HIVEP3: variants seen among roughly 807,000 people sequenced by gnomAD.
The protein encoded by HIVEP3 is HIVEP zinc finger 3, also known as transcription factor HIVEP3.
A neutral mutation model predicts 152.8 loss-of-function variants in HIVEP3; 49 were observed. That is an observed-to-expected ratio of 0.32 (90% confidence interval 0.26 to 0.41). The LOEUF (loss-of-function observed/expected upper bound fraction) is 0.41, where lower values mean the gene tolerates loss of function less well. Among genes scored for constraint, HIVEP3 ranks in the 10% least tolerant of loss-of-function variants. HIVEP3 has a pLI of 1.00. For synonymous variants in HIVEP3, 1,269 were observed against 1,289.0 expected (o/e 0.98, Z 0.33); for missense variants, 2,790 against 3,103.3 (o/e 0.90, Z 2.40).
In HIVEP3 at chr1:41,580,261, G is replaced by A; in HGVS notation, c.4537C>T (p.Pro1513Ser). Residue 1513 changes from proline to serine, a missense_variant, in exon 4 of 9, where the codon CCT (proline) becomes TCT (serine). Pro to Ser is a moderately conservative substitution (Grantham distance 74). This residue lies in a region of HIVEP3 where 1,078 missense variants were observed against 1,165.3 expected (regional missense o/e 0.93). Coordinates refer to ENST00000372583, the MANE Select transcript of HIVEP3 (RefSeq NM_024503.5). ...GACAATGCAGGGTGAGGGAGGGGAG[G>A]AATTTCCTTTGTGTCAGATGGATCT... is the stretch of plus-strand genomic sequence containing the variant. Reference protein sequence around the residue: ...SSDPSDTKEIPPLPHPALSHG... With the variant: ...SSDPSDTKEISPLPHPALSHG... 1 of 1,613,844 alleles carries A rather than the reference G, an allele frequency of 6.2e-7. No individual in the cohort carries two copies. Among genetic ancestry groups the A allele is most frequent in the African/African-American group, 1.3e-5 (1 of 75,038 alleles).
rs917498880 is a variant in HIVEP3, at chr1:41,944,759, C to T, written n.120-26235G>A. 3.3e-5 allele frequency among the ~76,000 whole-genome samples: 5 copies of T among 152,174 alleles called. No individual in the cohort carries two copies. The South Asian group carries it at 6.2e-4, about 19-fold the overall frequency. ...GTGATGCACCCTGGAAAGGAAAAAG[C>T]ATTAGGACCATAGAGGACGCTCTAG... On this transcript the variant is annotated intron_variant and non_coding_transcript_variant, in intron 1 of 3. Coordinates refer to the HIVEP3 transcript ENST00000489103.
At chr1:41,807,503 G>A (rs1157709023) in intron 1 of HIVEP3, among the ~76,000 whole-genome samples, 1 of 152,180 alleles carries the variant, frequency 6.6e-6, no homozygotes, top group East Asian at 1.9e-4. Context: ...GCAGACACAG[G>A]ATCCCTACAG....
chr1:41,608,095 G>T (rs181938103), intron 3 of HIVEP3, among the ~76,000 whole-genome samples: 1 of 152,322 alleles, frequency 6.6e-6, no homozygotes, highest in Admixed American at 6.5e-5. Flanking sequence ...AGAGAAAAAA[G>T]ATATAAGTGG....
intron 1 of HIVEP3, among the ~76,000 whole-genome samples, chr1:41,794,018 A>G (rs1649844981): frequency 6.6e-6 from 1 of 152,196 alleles, no homozygotes; most frequent in African/African-American, 2.4e-5. Context: ...AATATTGCAA[A>G]CAATACAGTG....
Position 41,662,363 on chromosome 1 carries a change from G to A in HIVEP3, c.-720-33416C>T, listed in dbSNP as rs1645730166. On this transcript the variant is annotated intron_variant, in intron 2 of 8. Coordinates refer to ENST00000372583, the MANE Select transcript of HIVEP3 (RefSeq NM_024503.5). This position sits in a 1 kb window ranked among gnomAD's most constrained non-coding sequence, Gnocchi z 7.2. Reference sequence around the variant, plus strand: ...GCGCCGGCGGCGGGCGCGGCTCCGGGCCGCCCCGCGGCCGCTTGGAAGCTC... The same window carrying A: ...GCGCCGGCGGCGGGCGCGGCTCCGGACCGCCCCGCGGCCGCTTGGAAGCTC... 1 of 146,562 alleles carries A rather than the reference G, an allele frequency of 6.8e-6. No individual in the cohort carries two copies. 9.1% of individuals were successfully genotyped at this position (146,562 alleles called of 1,614,324 possible). A position where few individuals can be genotyped will look rare whatever the true frequency, so the allele number is the denominator to read the frequency against.
chr1:41,794,503 A>C (rs1649874481), intron 1 of HIVEP3, among the ~76,000 whole-genome samples: 1 of 152,220 alleles, frequency 6.6e-6, no homozygotes, highest in Non-Finnish European at 1.5e-5. Context: ...TATACTGCCA[A>C]AATGCCCTTT....
At chr1:41,771,331 A>T (rs958700390) in intron 1 of HIVEP3, among the ~76,000 whole-genome samples, 1 of 151,978 alleles carries the variant, frequency 6.6e-6, no homozygotes, top group Admixed American at 6.5e-5. Context: ...TCCTCTGGTC[A>T]CTTGTACCTG....
intron 3 of HIVEP3, among the ~76,000 whole-genome samples, chr1:41,589,694 G>A (rs1644558520): frequency 6.6e-6 from 1 of 152,146 alleles, no homozygotes; most frequent in Admixed American, 6.5e-5. Context: ...GGGGTCCCCG[G>A]TCAAAGTTAG....
At chr1:41,630,846 A>C (rs1470970224) in intron 2 of HIVEP3, among the ~76,000 whole-genome samples, 1 of 152,200 alleles carries the variant, frequency 6.6e-6, no homozygotes, top group African/African-American at 2.4e-5. Flanking sequence ...ATGCAGCAAG[A>C]GAAAACTAAT....
intron 1 of HIVEP3, among the ~76,000 whole-genome samples, chr1:41,746,281 C>G (rs1321258276): frequency 6.6e-6 from 1 of 152,244 alleles, no homozygotes; most frequent in African/African-American, 2.4e-5. Context: ...CTGTTTACTT[C>G]TCACACCAAC....
At chr1:41,834,225 T>C (rs551041238) in intron 1 of HIVEP3, among the ~76,000 whole-genome samples, 2 of 152,222 alleles carry the variant, frequency 1.3e-5, no homozygotes, top group Non-Finnish European at 2.9e-5. Context: ...TCTGGGTGTC[T>C]CATCAGCTCC....
At chr1:41,860,634 C>T (rs946559472) in intron 1 of HIVEP3, among the ~76,000 whole-genome samples, 2 of 152,310 alleles carry the variant, frequency 1.3e-5, no homozygotes, top group South Asian at 2.1e-4. Flanking sequence ...TGACGCCCTC[C>T]TTTTGCAAAA....
intron 1 of HIVEP3, among the ~76,000 whole-genome samples, chr1:41,794,080 A>G (rs576279883): frequency 1.2e-4 from 18 of 152,250 alleles, no homozygotes; most frequent in Non-Finnish European, 2.4e-4. Flanking sequence ...TGCTGCTAAT[A>G]AAGACATACC....
At chr1:41,897,957 G>GAGAGAGAGAGAC (rs1644559423) in intron 1 of HIVEP3, among the ~76,000 whole-genome samples, 4 of 142,650 alleles carry the variant, frequency 2.8e-5, no homozygotes, top group Admixed American at 6.9e-5. Flanking sequence ...GAGAGAGAGA[G>GAGAGAGAGAGAC]AGAGAGAGAG....
At position 41,582,519 on chromosome 1, in the gene HIVEP3, G is replaced by C. The variant is rs765671261; in HGVS notation, c.2279C>G (p.Pro760Arg). ...PLESTKSPAE[P>R]SKSVPSLEGP... ...CTCCAAGGAGGGCACTGATTTACTTGGTTCTGCTGGTGACTTGGTGGACTC... is the reference window on the plus strand; with the variant it reads ...CTCCAAGGAGGGCACTGATTTACTTCGTTCTGCTGGTGACTTGGTGGACTC... The change falls in exon 4 of 9, where the codon CCA becomes CGA. Residue 760 changes from proline (P) to arginine (R), a missense_variant. By Grantham distance (103) the Pro-to-Arg change is moderately radical. This residue lies in a region of HIVEP3 where 339 missense variants were observed against 327.0 expected (regional missense o/e 1.04). Coordinates refer to ENST00000372583, the MANE Select transcript of HIVEP3 (RefSeq NM_024503.5). The surrounding 1 kb of genome is among the most constrained non-coding windows in gnomAD (Gnocchi z 4.7). 2 of 1,611,682 alleles carry C rather than the reference G, an allele frequency of 1.2e-6. No homozygotes were observed. Among genetic ancestry groups the C allele is most frequent in the African/African-American group, 2.7e-5 (2 of 74,924 alleles).
chr1:41,773,693 C>T (rs533130692), intron 1 of HIVEP3, among the ~76,000 whole-genome samples: 127 of 152,340 alleles, frequency 8.3e-4, no homozygotes, highest in Middle Eastern at 6.8e-3. Flanking sequence ...CTGATGTGCA[C>T]AGATGAGAAA....
intron 1 of HIVEP3, among the ~76,000 whole-genome samples, chr1:41,766,734 G>C (rs1648033604): frequency 6.6e-6 from 1 of 152,162 alleles, no homozygotes; most frequent in African/African-American, 2.4e-5. Context: ...CATCTACTTT[G>C]GTTTTCCTGA....
At chr1:41,615,237 A>C (rs1644950153) in intron 3 of HIVEP3, among the ~76,000 whole-genome samples, 3 of 152,248 alleles carry the variant, frequency 2.0e-5, no homozygotes, top group Non-Finnish European at 4.4e-5. Flanking sequence ...GAATTAAATA[A>C]ATAATTTTAC....
chr1:41,850,884 C>A (rs1643578304), intron 1 of HIVEP3, among the ~76,000 whole-genome samples: 1 of 152,160 alleles, frequency 6.6e-6, no homozygotes. Context: ...AAATTCCATT[C>A]TGAGTTTCAA....
Sources: allele counts gnomAD v4.1 joint callset (sites outside exome capture counted in the v4.1 genomes callset), GRCh38; gene constraint gnomAD v4.1.1; regional missense constraint gnomAD v4.1.1; non-coding constraint Gnocchi (gnomAD v3.1); transcripts MANE v1.5; gene names NCBI Gene and HGNC (gene_info 2026-07-23, HGNC 2026-07-21).